The following RNF150 variants were observed in gnomAD, a reference collection of about 807,000 sequenced individuals.
RNF150 encodes the protein ring finger protein 150.
Under a neutral mutation model 39.3 loss-of-function variants are expected in RNF150, and 24 were observed. The ratio of observed to expected loss-of-function variants is 0.61; its 90% CI spans 0.44 to 0.86. The LOEUF (loss-of-function observed/expected upper bound fraction) is 0.86, where lower values mean the gene tolerates loss of function less well. RNF150 is among the 40% of genes least tolerant of loss of function. RNF150 has a pLI of 0.00. For missense variants in RNF150, 502 were observed against 587.8 expected, an observed-to-expected ratio of 0.85 and a Z score of 1.51; for synonymous variants, 255 against 227.3, an observed-to-expected ratio of 1.12 and a Z score of -1.10.
chr4:141,103,731 T>C (rs567703377), intron 1 of RNF150, among the ~76,000 whole-genome samples: 1 of 152,256 alleles, frequency 6.6e-6, no homozygotes, highest in Non-Finnish European at 1.5e-5. Context: ...TTTTTTGAAC[T>C]ACAGTTAGAA....
chr4:140,945,610 A>G (rs1732273009), intron 4 of RNF150, among the ~76,000 whole-genome samples: 1 of 36,778 alleles, frequency 2.7e-5, no homozygotes, highest in African/African-American at 5.6e-5. Context: ...ATACATATAT[A>G]TACTACATAT....
chr4:141,005,848 C>T (rs1734845454), intron 1 of RNF150, among the ~76,000 whole-genome samples: 1 of 130,312 alleles, frequency 7.7e-6, no homozygotes, highest in South Asian at 2.4e-4. Flanking sequence ...GCGGGCGGAT[C>T]ACGAGGTCAG....
At chr4:140,932,876 G>A (rs947791232) in intron 4 of RNF150, among the ~76,000 whole-genome samples, 1 of 152,238 alleles carries the variant, frequency 6.6e-6, no homozygotes, top group African/African-American at 2.4e-5. Context: ...GTTTGAGATA[G>A]TGACTGCTTT....
At position 140,864,168 on chromosome 4, in the gene RNF150, T is replaced by C. The variant is rs10857386; in HGVS notation, c.*4093A>G. 0.98 allele frequency: 149,286 copies of C among 152,352 alleles called. 73,197 individuals are homozygous for C. The highest frequency in any genetic ancestry group is 1 in the East Asian group (5,184 of 5,184). The allele number at this position is 152,352 out of a possible 1,614,324, so 9.4% of individuals were successfully genotyped here. A position where few individuals can be genotyped will look rare whatever the true frequency, so the allele number is the denominator to read the frequency against. On this transcript the variant is annotated 3_prime_UTR_variant, in exon 7 of 7. Transcript: ENST00000515673. Reference sequence around the variant, plus strand: ...ATTTTTGGACAGAGCTTTGCCTCCATGATTCTGATCATTACCATGTGATGT... The same window carrying C: ...ATTTTTGGACAGAGCTTTGCCTCCACGATTCTGATCATTACCATGTGATGT...
chr4:140,922,816 CA>C (rs1205907465), intron 5 of RNF150, among the ~76,000 whole-genome samples: 2 of 151,218 alleles, frequency 1.3e-5, no homozygotes, highest in African/African-American at 4.9e-5. Context: ...AATAATGCCG[CA>C]TATCTACAAC....
In RNF150 at chr4:140,895,183, G is replaced by A. The variant is rs76939792; in HGVS notation, c.1198+15961C>T. On this transcript the variant is annotated intron_variant, in intron 6 of 6. Transcript: ENST00000515673. The stretch of plus-strand genomic sequence containing the variant: ...GCACAGGTAGCATGAGGGCTAATTG[G>A]GATTTCTGAGACTGTTTGAACATTT... Among the ~76,000 whole-genome samples the A allele has an allele frequency of 1.7e-3, 253 of 152,218 alleles. 1 individual carries two copies. The highest frequency in any genetic ancestry group is 5.9e-3 in the African/African-American group (247 of 41,516).
At chr4:141,018,008 CCCA>C (rs1353052541) in intron 1 of RNF150, among the ~76,000 whole-genome samples, 3 of 152,094 alleles carry the variant, frequency 2.0e-5, no homozygotes, top group Non-Finnish European at 4.4e-5. Flanking sequence ...AACCTCACAT[CCCA>C]TAATAAACAT....
intron 1 of RNF150, among the ~76,000 whole-genome samples, chr4:141,035,845 A>T (rs1180759135): frequency 6.6e-6 from 1 of 152,218 alleles, no homozygotes; most frequent in African/African-American, 2.4e-5. Context: ...TTACTATGTA[A>T]AACACCATCC....
At chr4:141,110,685 T>C (rs114435819) in intron 1 of RNF150, among the ~76,000 whole-genome samples, 15 of 152,046 alleles carry the variant, frequency 9.9e-5, no homozygotes, top group Non-Finnish European at 1.8e-4. Flanking sequence ...AATGCTGGAA[T>C]TACAGGCATG....
rs866029539 is a variant in RNF150, at chr4:141,094,677, A to G, written c.484+37648T>C. Among the ~76,000 whole-genome samples, 5 of 152,398 alleles carry G rather than the reference A, an allele frequency of 3.3e-5. No individual in the cohort carries two copies. The Middle Eastern group carries it at 0.014, about 415-fold the overall frequency. On this transcript the variant is annotated intron_variant, in intron 1 of 6. Coordinates refer to ENST00000515673, the MANE Select transcript of RNF150 (RefSeq NM_020724.2). ...GCCGTAGTTTGCCAGCCCCTAAAAG[A>G]GACAACAAAATTATCTGTCAGGAAG...
At chr4:141,152,741 T>C (rs1190371939) in intron 1 of RNF150, among the ~76,000 whole-genome samples, 1 of 152,186 alleles carries the variant, frequency 6.6e-6, no homozygotes, top group East Asian at 1.9e-4. Context: ...GTGCAATCTA[T>C]TTTTTTGTTA....
At chr4:141,114,943 C>G (rs1237750879) in intron 1 of RNF150, among the ~76,000 whole-genome samples, 2 of 152,172 alleles carry the variant, frequency 1.3e-5, no homozygotes, top group Non-Finnish European at 2.9e-5. Context: ...AATTCAACAC[C>G]TCTTCATGAT....
chr4:141,013,742 G>A (rs1735159482), intron 1 of RNF150, among the ~76,000 whole-genome samples: 1 of 152,196 alleles, frequency 6.6e-6, no homozygotes, highest in African/African-American at 2.4e-5. Context: ...CTTACAGGAT[G>A]TAACGTGAAG....
At chr4:141,017,299 A>G (rs531585937) in intron 1 of RNF150, among the ~76,000 whole-genome samples, 1 of 152,250 alleles carries the variant, frequency 6.6e-6, no homozygotes, top group Admixed American at 6.5e-5. Context: ...AAGATTTGAG[A>G]TCACCTTAGA....
intron 1 of RNF150, among the ~76,000 whole-genome samples, chr4:141,030,465 A>G (rs1162053918): frequency 1.3e-5 from 2 of 152,154 alleles, no homozygotes; most frequent in Non-Finnish European, 2.9e-5. Context: ...TATACACCCC[A>G]AAGTACTGAA....
chr4:141,133,036 T>G lies in RNF150; in HGVS notation c.-228A>C. 2.3e-6 allele frequency: 1 copy of G among 444,214 alleles called. No homozygotes were observed. The highest frequency in any genetic ancestry group is 4.0e-6 in the Non-Finnish European group (1 of 249,542). 27.5% of individuals were successfully genotyped at this position (444,214 alleles called of 1,614,324 possible). Reference sequence around the variant, plus strand: ...CTGTAGCGCGGTGGTTGCATTTTGCTTCTTGGGCGCCCGGGGGGCGCGGGA... The same window carrying G: ...CTGTAGCGCGGTGGTTGCATTTTGCGTCTTGGGCGCCCGGGGGGCGCGGGA... On this transcript the variant is annotated 5_prime_UTR_variant, in exon 1 of 7. Transcript: ENST00000515673.
At chr4:141,078,936 C>A (rs1012154125) in intron 1 of RNF150, among the ~76,000 whole-genome samples, 1 of 148,712 alleles carries the variant, frequency 6.7e-6, no homozygotes, top group East Asian at 2.0e-4. Flanking sequence ...CATATATATA[C>A]ACACACATAT....
chr4:140,993,141 T>C (rs2111483526), intron 1 of RNF150, among the ~76,000 whole-genome samples: 1 of 152,166 alleles, frequency 6.6e-6, no homozygotes, highest in African/African-American at 2.4e-5. Context: ...ATCTTACAGT[T>C]TTAGAGATCA....
Position 140,860,865 on chromosome 4 carries a change from CA to C in RNF150, c.*7395del, listed in dbSNP as rs1467915501. ...CTGCAGTCTACAAAACTGAGTATCACATATGTACTGCTTGAGAGTTTCCCCT... is the reference window on the plus strand; with the variant it reads ...CTGCAGTCTACAAAACTGAGTATCACTATGTACTGCTTGAGAGTTTCCCCT... On this transcript the variant is annotated 3_prime_UTR_variant, in exon 7 of 7. Coordinates refer to ENST00000515673, the MANE Select transcript of RNF150 (RefSeq NM_020724.2). 6.6e-6 allele frequency: 1 copy of C among 152,150 alleles called. No homozygotes were observed. 9.4% of individuals were successfully genotyped at this position (152,150 alleles called of 1,614,324 possible).
Sources: allele counts gnomAD v4.1 joint callset (sites outside exome capture counted in the v4.1 genomes callset), GRCh38; gene constraint gnomAD v4.1.1; transcripts MANE v1.5; gene names NCBI Gene and HGNC (gene_info 2026-07-23, HGNC 2026-07-21).